The following SRSF7 variants were observed in gnomAD, a reference collection of about 807,000 sequenced individuals.
SRSF7 encodes serine/arginine-rich splicing factor 7.
In SRSF7, 15 loss-of-function variants were observed where a neutral mutation model predicts 42.2. The observed-to-expected ratio is 0.36, with a 90% CI of 0.24 to 0.55. SRSF7 has a LOEUF of 0.55. Among genes scored for constraint, SRSF7 ranks in the 20% least tolerant of loss-of-function variants. The pLI is 0.88. For missense variants in SRSF7, 181 were observed against 305.9 expected, an observed-to-expected ratio of 0.59 and a Z score of 3.04; for synonymous variants, 138 against 107.9, an observed-to-expected ratio of 1.28 and a Z score of -1.73.
Position 38,747,884 on chromosome 2 carries a change from T to G in SRSF7, c.572+163A>C, listed in dbSNP as rs187953014. Among the ~76,000 whole-genome samples, 16 of 152,370 alleles carry G rather than the reference T, an allele frequency of 1.1e-4. No homozygotes were observed. The East Asian group carries it at 1.2e-3, about 11-fold the overall frequency. On this transcript the variant is annotated intron_variant, in intron 5 of 7. Transcript: ENST00000313117. The stretch of plus-strand genomic sequence containing the variant: ...ATCTCTAGTAGCCCTTTTCTTCATC[T>G]GTAAAACTAGGTTAATATTTATGTT...
intron 5 of SRSF7, 115 bp from the exon 6 acceptor site, chr2:38,746,862 G>A (rs1001871334): frequency 4.0e-6 from 6 of 1,510,304 alleles, no homozygotes; most frequent in Non-Finnish European, 5.3e-6. Context: ...TAAACAAGAT[G>A]CAACACTTGC....
At chr2:38,749,449 A>C (rs537264316) in intron 3 of SRSF7, 80 bp downstream of exon 3, 27 of 1,553,622 alleles carry the variant, frequency 1.7e-5, no homozygotes, top group Non-Finnish European at 2.2e-5. Context: ...GTTTATAGAA[A>C]AACACTAGTT....
chr2:38,751,197 C>A (rs559112538), intron 1 of SRSF7, 32 bp downstream of exon 1: 2 of 1,613,982 alleles, frequency 1.2e-6, no homozygotes, highest in African/African-American at 2.7e-5. Context: ...TACACCCACA[C>A]CAACGTCCCT....
intron 1 of SRSF7, 74 bp from the exon 2 acceptor site, chr2:38,750,268 A>G: frequency 7.2e-7 from 1 of 1,382,234 alleles, no homozygotes; most frequent in Non-Finnish European, 9.9e-7. Flanking sequence ...TATTTGCCTT[A>G]AAACGGGCCA....
intron 5 of SRSF7, among the ~76,000 whole-genome samples, chr2:38,747,807 G>C (rs148486033): frequency 6.6e-6 from 1 of 152,202 alleles, no homozygotes; most frequent in East Asian, 1.9e-4. Flanking sequence ...GTGTTGAGTA[G>C]AACTGTATTG....
intron 7 of SRSF7, 55 bp downstream of exon 7, chr2:38,746,089 T>C (rs1056679904): frequency 1.3e-6 from 2 of 1,599,652 alleles, no homozygotes; most frequent in African/African-American, 1.3e-5. Context: ...AGCAAACAAA[T>C]TCTGCAGAGG....
Position 38,750,860 on chromosome 2 carries a change from A to G in SRSF7, c.28+369T>C, listed in dbSNP as rs959248649. 3 of 285,336 alleles carry G rather than the reference A, an allele frequency of 1.1e-5. No individual in the cohort carries two copies. In the South Asian group the frequency reaches 1.1e-4, roughly 11 times the overall value. 17.7% of individuals were successfully genotyped at this position (285,336 alleles called of 1,614,324 possible). Reference sequence around the variant, plus strand: ...GATCTGTCCGCTGAAGTGGCGGGAAAGCGCTGAGGAAATGCGCCACCACGG... The same window carrying G: ...GATCTGTCCGCTGAAGTGGCGGGAAGGCGCTGAGGAAATGCGCCACCACGG... On this transcript the variant is annotated intron_variant, in intron 1 of 7. Coordinates refer to ENST00000313117, the MANE Select transcript of SRSF7 (RefSeq NM_001031684.3).
In SRSF7 at chr2:38,745,107, T is replaced by C; in HGVS notation, c.*26A>G. Reference sequence around the variant, plus strand: ...TATAATAATGTAAACAAAATAACTTTTCCCTAAAGGGTGAACTTGAGAGCT... The same window carrying C: ...TATAATAATGTAAACAAAATAACTTCTCCCTAAAGGGTGAACTTGAGAGCT... On this transcript the variant is annotated 3_prime_UTR_variant, in exon 8 of 8. Transcript: ENST00000313117. 1.2e-6 allele frequency: 2 copies of C among 1,612,898 alleles called. No homozygotes were observed. The highest frequency in any genetic ancestry group is 1.7e-6 in the Non-Finnish European group (2 of 1,179,150).
At position 38,748,658 on chromosome 2, in the gene SRSF7, T is replaced by A; in HGVS notation, c.387-5A>T. ...GAATGTGATCTAGACCGTGACCTAT[T>A]TTTCAAGTTAGAGAAAAAACAAAAT... is the stretch of plus-strand genomic sequence containing the variant. On this transcript the variant is annotated splice_region_variant and splice_polypyrimidine_tract_variant and intron_variant, in intron 3 of 7. Coordinates refer to ENST00000313117, the MANE Select transcript of SRSF7 (RefSeq NM_001031684.3). 1.2e-6 allele frequency: 2 copies of A among 1,613,968 alleles called. No homozygotes were observed. Among genetic ancestry groups the A allele is most frequent in the Non-Finnish European group, 8.5e-7 (1 of 1,179,982 alleles).
At chr2:38,746,879 C>A (rs1572561756) in intron 5 of SRSF7, 132 bp from the exon 6 acceptor site, 1 of 1,427,060 alleles carries the variant, frequency 7.0e-7, no homozygotes, top group Non-Finnish European at 9.4e-7. Flanking sequence ...TTGCCTTATT[C>A]TGTCTAACAC....
chr2:38,747,221 G>C (rs1667577145), intron 5 of SRSF7: 1 of 377,532 alleles, frequency 2.6e-6, no homozygotes, highest in Non-Finnish European at 5.5e-6. Flanking sequence ...CCATTTGTAA[G>C]GCTTTATTCC....
At chr2:38,749,825 T>C (rs1202839903) in intron 2 of SRSF7, 120 bp from the exon 3 acceptor site, 2 of 1,306,596 alleles carry the variant, frequency 1.5e-6, no homozygotes, top group African/African-American at 1.5e-5. Context: ...CCAACAAACT[T>C]TGGCGGTCTT....
rs1006297207 is a variant in SRSF7 at position 38,749,876 on chromosome 2, T to C, written c.209+138A>G. 6.4e-6 allele frequency: 8 copies of C among 1,252,196 alleles called. No individual in the cohort carries two copies. In the Admixed American group the frequency reaches 1.7e-4, roughly 27 times the overall value. The allele number at this position is 1,252,196 out of a possible 1,614,324, so 77.6% of individuals were successfully genotyped here. On this transcript the variant is annotated intron_variant, in intron 2 of 7. Transcript: ENST00000313117. Reference sequence around the variant, plus strand: ...CCATCTCCGCTATCTTCTTTAACCTTCGTGTGCCTTTAGCATTTAACACTA... The same window carrying C: ...CCATCTCCGCTATCTTCTTTAACCTCCGTGTGCCTTTAGCATTTAACACTA...
chr2:38,745,998 AAAG>A, intron 7 of SRSF7, 143 bp downstream of exon 7: 1 of 737,040 alleles, frequency 1.4e-6, no homozygotes, highest in Admixed American at 2.8e-5. Flanking sequence ...TCAAAAAAAA[AAAG>A]TATTTCAGAA....
At position 38,749,772 on chromosome 2, in the gene SRSF7, AACTCTTTCCAACCACTC is replaced by A. The variant is rs545820725; in HGVS notation, c.210-84_210-68del. ...ATTCAGGACTTATAGATTTAAAAAG[AACTCTTTCCAACCACTC>A]ACTCTTTCCAACCACTCCTTCCCCC... On this transcript the variant is annotated intron_variant, in intron 2 of 7. Coordinates refer to ENST00000313117, the MANE Select transcript of SRSF7 (RefSeq NM_001031684.3). 7.8e-4 allele frequency: 1,116 copies of A among 1,427,554 alleles called. 4 individuals carry two copies. The highest frequency in any genetic ancestry group is 1.1e-3 in the African/African-American group (79 of 68,984). The allele number at this position is 1,427,554 out of a possible 1,614,324, so 88.4% of individuals were successfully genotyped here.
intron 5 of SRSF7, 23 bp downstream of exon 5, chr2:38,748,020 CAAGT>C (rs764598204): frequency 1.3e-5 from 20 of 1,541,666 alleles, no homozygotes; most frequent in Middle Eastern, 3.4e-4. Flanking sequence ...AATCCAAACA[CAAGT>C]AAGGAAAAAA....
At position 38,749,655 on chromosome 2, in the gene SRSF7, C is replaced by A; in HGVS notation, c.260G>T (p.Arg87Leu). 6.3e-7 allele frequency: 1 copy of A among 1,596,570 alleles called. No homozygotes were observed. Among genetic ancestry groups the A allele is most frequent in the Non-Finnish European group, 8.5e-7 (1 of 1,175,026 alleles). ...AGGTGGTCTATCAAAACGTGATCTC[C>A]GAGGCATGCCTGTCGATAGTTCAAC... ...VRVELSTGMP[R>L]RSRFDRPPAR... Residue 87 changes from arginine (R) to leucine (L), a missense_variant, in exon 3 of 8, where the codon CGG becomes CTG. By Grantham distance (102) the Arg-to-Leu change is moderately radical (BLOSUM62 -2). This residue lies in a region of SRSF7 where 45 missense variants were observed against 158.1 expected (regional missense o/e 0.28). Coordinates refer to ENST00000313117, the MANE Select transcript of SRSF7 (RefSeq NM_001031684.3).
intron 4 of SRSF7, 110 bp downstream of exon 4, chr2:38,748,469 G>C (rs1334285774): frequency 9.0e-7 from 1 of 1,110,606 alleles, no homozygotes; most frequent in Non-Finnish European, 1.4e-6. Context: ...CTCCAGCCCG[G>C]GTGACAGAGC....
At chr2:38,750,803 C>G (rs2148497491) in intron 1 of SRSF7, 1 of 206,080 alleles carries the variant, frequency 4.9e-6, no homozygotes, top group East Asian at 1.2e-4. Context: ...CGTTCTATCT[C>G]AAACACAACC....
Sources: allele counts gnomAD v4.1 joint callset (sites outside exome capture counted in the v4.1 genomes callset), GRCh38; gene constraint gnomAD v4.1.1; regional missense constraint gnomAD v4.1.1; transcripts MANE v1.5; gene names NCBI Gene and HGNC (gene_info 2026-07-23, HGNC 2026-07-21).